Variants in WIPI1 observed in about 807,000 individuals in gnomAD.
The protein encoded by WIPI1 is WD repeat domain, phosphoinositide interacting 1, also known as WD repeat domain phosphoinositide-interacting protein 1.
A neutral mutation model predicts 55.3 loss-of-function variants in WIPI1; 45 were observed. The ratio of observed to expected loss-of-function variants is 0.81; its 90% CI spans 0.64 to 1.04. The LOEUF (loss-of-function observed/expected upper bound fraction) is 1.04. WIPI1 is among the 50% of genes least tolerant of loss of function. WIPI1 has a pLI of 0.00. For missense variants in WIPI1, 445 were observed against 559.0 expected, an observed-to-expected ratio of 0.80 and a Z score of 2.06; for synonymous variants, 195 against 217.6, an observed-to-expected ratio of 0.90 and a Z score of 0.92.
chr17:68,422,981 T>C (rs1460682083), intron 12 of WIPI1, among the ~76,000 whole-genome samples: 1 of 152,152 alleles, frequency 6.6e-6, no homozygotes, highest in African/African-American at 2.4e-5. Flanking sequence ...AGCGTGATCC[T>C]ACGCAGGGAA....
chr17:68,433,487 G>T lies in WIPI1; in HGVS notation c.781C>A (p.Leu261Met). Residue 261 changes from leucine to methionine, a missense_variant, in exon 8 of 13, where the codon CTG becomes ATG. Transcript: ENST00000262139. ...SNTETVHIFK[L>M]EQVTNSRPEE... The stretch of plus-strand genomic sequence containing the variant: ...ACTTGCCTGTTGGTGACCTGTTCCA[G>T]CTTGAAGATGTGTACCGTCTCGGTG... 1 of 1,614,086 alleles carries T rather than the reference G, an allele frequency of 6.2e-7. No homozygotes were observed. Among genetic ancestry groups the T allele is most frequent in the Non-Finnish European group, 8.5e-7 (1 of 1,179,996 alleles).
At position 68,436,462 on chromosome 17, in the gene WIPI1, TAGAG is replaced by T. The variant is rs759604536; in HGVS notation, c.444_447del (p.Ile150ThrfsTer13). ...GCCAGGTAAGAATTGGAATGGTTGA[TAGAG>T]AGAGCACATAGACCTGGCAAAGAAG... On this transcript the variant is annotated frameshift_variant, in exon 5 of 13. Transcript: ENST00000262139. LOFTEE classifies it high-confidence loss of function. 5 of 1,613,738 alleles carry T rather than the reference TAGAG, an allele frequency of 3.1e-6. No individual in the cohort carries two copies. In the East Asian group the frequency reaches 6.7e-5, roughly 22 times the overall value.
intron 1 of WIPI1, 56 bp downstream of exon 1, chr17:68,457,286 C>T: frequency 6.5e-7 from 1 of 1,528,794 alleles, no homozygotes; most frequent in South Asian, 1.2e-5. Context: ...GACGACACCC[C>T]TGGGTCCTGA....
intron 11 of WIPI1, 67 bp from the exon 12 acceptor site, chr17:68,426,242 T>TGCG (rs2083173132): frequency 1.5e-6 from 1 of 669,004 alleles, no homozygotes; most frequent in Non-Finnish European, 2.2e-6. Context: ...ACCTGGCGGG[T>TGCG]GGGGAGCGGG....
intron 11 of WIPI1, 63 bp from the exon 12 acceptor site, chr17:68,426,238 C>CGGGGGG (rs1555798429): frequency 1.5e-5 from 9 of 615,156 alleles, no homozygotes; most frequent in South Asian, 3.8e-5. Context: ...CATGACCTGG[C>CGGGGGG]GGGTGGGGAG....
chr17:68,430,416 T>G (rs2147818502), intron 8 of WIPI1, among the ~76,000 whole-genome samples: 1 of 152,358 alleles, frequency 6.6e-6, no homozygotes, highest in East Asian at 1.9e-4. Context: ...TGCTTTCCCC[T>G]ATTAAAGAAG....
chr17:68,421,906 A>C lies in WIPI1; in HGVS notation c.1294-86T>G, dbSNP rs2082804844. 2.6e-6 allele frequency: 4 copies of C among 1,561,312 alleles called. No individual in the cohort carries two copies. In the South Asian group the frequency reaches 4.4e-5, roughly 17 times the overall value. The stretch of plus-strand genomic sequence containing the variant: ...ATTATCAACAGGTCTGTGCCCATGC[A>C]GAGTGAGCAGGGAGAGGCTGGGCAC... On this transcript the variant is annotated intron_variant, in intron 12 of 12. Transcript: ENST00000262139.
At position 68,426,245 on chromosome 17, in the gene WIPI1, GGA is replaced by G. The variant is rs1200947255; in HGVS notation, c.1193-72_1193-71del. Reference sequence around the variant, plus strand: ...TTTTATGCCATGACCTGGCGGGTGGGGAGCGGGGGCTCAAATAAAGGGCAAAG... The same window carrying G: ...TTTTATGCCATGACCTGGCGGGTGGGGCGGGGGCTCAAATAAAGGGCAAAG... On this transcript the variant is annotated intron_variant, in intron 11 of 12. Coordinates refer to ENST00000262139, the MANE Select transcript of WIPI1 (RefSeq NM_017983.7). 2.6e-4 allele frequency: 248 copies of G among 948,234 alleles called. 8 individuals are homozygous for G. In the African/African-American group the frequency reaches 3.0e-3, roughly 11 times the overall value. 58.7% of individuals were successfully genotyped at this position (948,234 alleles called of 1,614,324 possible).
At chr17:68,437,959 A>AAAAAAC (rs2083898028) in intron 4 of WIPI1, among the ~76,000 whole-genome samples, 2 of 150,702 alleles carry the variant, frequency 1.3e-5, no homozygotes, top group Admixed American at 6.6e-5. Context: ...AAAAAAAAAA[A>AAAAAAC]AAAAAAAAAA....
rs1252856822 is a variant in WIPI1 at position 68,427,264 on chromosome 17, C to T, written c.1074-11G>A. 6.2e-7 allele frequency: 1 copy of T among 1,602,026 alleles called. No homozygotes were observed. Among genetic ancestry groups the T allele is most frequent in the Admixed American group, 1.7e-5 (1 of 59,934 alleles). On this transcript the variant is annotated splice_polypyrimidine_tract_variant and intron_variant, in intron 10 of 12. Coordinates refer to ENST00000262139, the MANE Select transcript of WIPI1 (RefSeq NM_017983.7). ...CCTGAGCCAAGCAAGCTACTTGTGA[C>T]AATCAAGAGGAGGTGAAAGAAAAAA... is the stretch of plus-strand genomic sequence containing the variant.
Position 68,433,523 on chromosome 17 carries a change from C to G in WIPI1, c.745G>C (p.Ala249Pro). The change falls in exon 8 of 13, where the codon GCC (alanine) becomes CCC (proline). Residue 249 changes from alanine (A) to proline (P), a missense_variant. Ala to Pro is a conservative substitution (Grantham distance 27). Transcript: ENST00000262139. ...TGTACCGTCTCGGTGTTACTGGAGG[C>G]GCAGAGGAATTGTGAATCCATACTG... Reference protein sequence around the residue: ...VFSMDSQFLCASSNTETVHIF... With the variant: ...VFSMDSQFLCPSSNTETVHIF... 6.2e-7 allele frequency: 1 copy of G among 1,613,678 alleles called. No homozygotes were observed. The highest frequency in any genetic ancestry group is 8.5e-7 in the Non-Finnish European group (1 of 1,179,990).
At chr17:68,447,901 G>C (rs1808334) in intron 3 of WIPI1, among the ~76,000 whole-genome samples, 25 of 150,864 alleles carry the variant, frequency 1.7e-4, no homozygotes, top group Admixed American at 7.3e-4. Flanking sequence ...GGTGAGGCAG[G>C]AGAATTGCTT....
intron 10 of WIPI1, chr17:68,427,456 AAGC>A: frequency 2.6e-6 from 1 of 381,510 alleles, no homozygotes; most frequent in Non-Finnish European, 4.8e-6. Context: ...TCCTGGGTTC[AAGC>A]GATTCTCCTG....
intron 4 of WIPI1, among the ~76,000 whole-genome samples, chr17:68,439,520 C>T (rs906805281): frequency 2.0e-5 from 3 of 151,874 alleles, no homozygotes; most frequent in Admixed American, 6.6e-5. Context: ...AGGTTTGGGG[C>T]GATGAAAATG....
intron 2 of WIPI1, among the ~76,000 whole-genome samples, chr17:68,452,456 T>C (rs2084533691): frequency 6.6e-6 from 1 of 152,094 alleles, no homozygotes; most frequent in South Asian, 2.1e-4. Flanking sequence ...TCTCATCTAC[T>C]TGGGAGGCTG....
chr17:68,452,935 C>T lies in WIPI1; in HGVS notation c.138G>A (p.Glu46=). The change falls in exon 2 of 13, where the codon GAG becomes GAA. Residue 46 remains glutamate (E), a synonymous_variant. Coordinates refer to ENST00000262139, the MANE Select transcript of WIPI1 (RefSeq NM_017983.7). ...GYKLFSLSSV[E]QLDQVHGSNE... ...TGCTTCCGTGGACTTGATCCAGCTG[C>T]TCCACAGAACTCAGAGAAAACAGCT... The T allele has an allele frequency of 2.5e-6, 4 of 1,614,052 alleles. No individual in the cohort carries two copies. The South Asian group carries it at 3.3e-5, about 13-fold the overall frequency.
At chr17:68,453,670 G>A (rs1301924873) in intron 1 of WIPI1, among the ~76,000 whole-genome samples, 1 of 151,902 alleles carries the variant, frequency 6.6e-6, no homozygotes, top group Non-Finnish European at 1.5e-5. Flanking sequence ...GTAGAGACAG[G>A]GTTTCACCAT....
chr17:68,438,898 C>T (rs1380015608), intron 4 of WIPI1, among the ~76,000 whole-genome samples: 3 of 152,192 alleles, frequency 2.0e-5, no homozygotes, highest in Admixed American at 2.0e-4. Context: ...TCGTGCCTGG[C>T]CTAGCACATA....
Position 68,451,495 on chromosome 17 carries a change from C to T in WIPI1, c.164-598G>A, listed in dbSNP as rs1022156591. Among the ~76,000 whole-genome samples the T allele has an allele frequency of 3.9e-5, 6 of 152,186 alleles. No homozygotes were observed. In the South Asian group the frequency reaches 1.0e-3, roughly 26 times the overall value. On this transcript the variant is annotated intron_variant, in intron 2 of 12. Coordinates refer to ENST00000262139, the MANE Select transcript of WIPI1 (RefSeq NM_017983.7). ...AGTCAGAGCAAAGGCAGACAGCTGC[C>T]TCTGATGCTGTCTGAGTGGCAGAAT...
Sources: allele counts gnomAD v4.1 joint callset (sites outside exome capture counted in the v4.1 genomes callset), GRCh38; gene constraint gnomAD v4.1.1; transcripts MANE v1.5; gene names NCBI Gene and HGNC (gene_info 2026-07-23, HGNC 2026-07-21).